ANKRD12: variants seen among roughly 807,000 people sequenced by gnomAD.
The protein encoded by ANKRD12 is ankyrin repeat domain 12.
A neutral mutation model predicts 183.4 loss-of-function variants in ANKRD12; 85 were observed. The observed-to-expected ratio is 0.46, with a 90% confidence interval of 0.39 to 0.56. The LOEUF is 0.56. Among genes scored for constraint, ANKRD12 ranks in the 20% least tolerant of loss-of-function variants. The probability of loss-of-function intolerance (pLI) is 0.00; values close to 1 mark genes in which losing one functional copy is unlikely to be tolerated. For synonymous variants in ANKRD12, 914 were observed against 800.2 expected, an observed-to-expected ratio of 1.14 and a Z score of -2.40; for missense variants, 2,405 against 2,357.1, an observed-to-expected ratio of 1.02 and a Z score of -0.42.
chr18:9,272,072 C>CT (rs549626515), intron 10 of ANKRD12, among the ~76,000 whole-genome samples: 96 of 152,268 alleles, frequency 6.3e-4, no homozygotes, highest in African/African-American at 2.1e-3. Flanking sequence ...ACCCAAGAAA[C>CT]TAAGAGGAAG....
At chr18:9,214,150 T>C (rs11661921) in intron 6 of ANKRD12, among the ~76,000 whole-genome samples, 16,776 of 151,892 alleles carry the variant, frequency 0.11, 1,078 homozygotes, top group African/African-American at 0.16. Context: ...AGCCTAGAAA[T>C]AGTGAAAATA....
At chr18:9,190,224 A>G (rs143507277) in intron 2 of ANKRD12, among the ~76,000 whole-genome samples, 85 of 152,366 alleles carry the variant, frequency 5.6e-4, no homozygotes, top group African/African-American at 1.9e-3. Context: ...ATGAGAATCA[A>G]GTGGAGCCTG....
At chr18:9,137,054 C>G (rs1009757638) in intron 1 of ANKRD12, 89 bp downstream of exon 1, 2 of 152,340 alleles carry the variant, frequency 1.3e-5, no homozygotes, top group Non-Finnish European at 2.9e-5. Context: ...GGAGGAGATC[C>G]CCTCAGTTCT....
intron 8 of ANKRD12, among the ~76,000 whole-genome samples, chr18:9,246,839 A>G (rs1488781116): frequency 2.0e-5 from 3 of 152,150 alleles, no homozygotes; most frequent in Non-Finnish European, 2.9e-5. Flanking sequence ...AATCCTTAAA[A>G]CAGTCCTGTG....
At chr18:9,148,042 T>C (rs1480098198) in intron 1 of ANKRD12, among the ~76,000 whole-genome samples, 1 of 152,210 alleles carries the variant, frequency 6.6e-6, no homozygotes, top group Non-Finnish European at 1.5e-5. Flanking sequence ...ACAGTGGCTA[T>C]TAGATTCTAC....
In ANKRD12 at chr18:9,255,304, G is replaced by T; in HGVS notation, c.2037G>T (p.Lys679Asn). 1 of 1,588,376 alleles carries T rather than the reference G, an allele frequency of 6.3e-7. No homozygotes were observed. The highest frequency in any genetic ancestry group is 1.2e-5 in the South Asian group (1 of 84,858). Residue 679 changes from lysine to asparagine, a missense_variant, in exon 9 of 13, where the codon AAG (lysine) becomes AAT (asparagine). Physicochemically the swap from Lys to Asn is moderately conservative, Grantham distance 94. Around this residue, in one of 7 missense-constraint regions of ANKRD12, gnomAD observed 1,983 missense variants for 1,725.9 expected, o/e 1.15. Coordinates refer to ENST00000262126, the MANE Select transcript of ANKRD12 (RefSeq NM_015208.5). ...IEGEKEKYKT[K>N]DSAKELQRSV... ...GTGAAAAGGAAAAATACAAAACTAA[G>T]GATAGTGCCAAAGAACTGCAGAGGA... is the stretch of plus-strand genomic sequence containing the variant.
At chr18:9,143,221 A>G (rs2143381901) in intron 1 of ANKRD12, among the ~76,000 whole-genome samples, 1 of 152,348 alleles carries the variant, frequency 6.6e-6, no homozygotes, top group South Asian at 2.1e-4. Context: ...ACACTTCAAA[A>G]AGTTGTTGCC....
At chr18:9,139,240 A>G (rs536433138) in intron 1 of ANKRD12, among the ~76,000 whole-genome samples, 21 of 152,290 alleles carry the variant, frequency 1.4e-4, no homozygotes, top group East Asian at 9.6e-4. Flanking sequence ...CCCAAGGGGG[A>G]AAAAAGCCTG....
At chr18:9,190,455 A>G (rs1021176039) in intron 2 of ANKRD12, among the ~76,000 whole-genome samples, 2 of 152,246 alleles carry the variant, frequency 1.3e-5, no homozygotes, top group East Asian at 3.8e-4. Flanking sequence ...ATAATTTAGT[A>G]TATTACATAA....
chr18:9,160,918 T>C (rs1213258372), intron 1 of ANKRD12, among the ~76,000 whole-genome samples: 1 of 152,242 alleles, frequency 6.6e-6, no homozygotes, highest in Non-Finnish European at 1.5e-5. Context: ...CATTTGTGTT[T>C]AGATTTCAGG....
chr18:9,229,459 T>G (rs1353450725), intron 8 of ANKRD12, among the ~76,000 whole-genome samples: 3 of 152,176 alleles, frequency 2.0e-5, no homozygotes, highest in Admixed American at 6.5e-5. Flanking sequence ...TGTGTCTGCT[T>G]CAGTTTCTTC....
chr18:9,247,160 G>A (rs1490015427), intron 8 of ANKRD12, among the ~76,000 whole-genome samples: 1 of 152,078 alleles, frequency 6.6e-6, no homozygotes, highest in Admixed American at 6.6e-5. Context: ...TTGTTTGTTT[G>A]TTTGTTTGTT....
rs540218336 is a variant in ANKRD12 at position 9,235,953 on chromosome 18, T to C, written c.943+13954T>C. On this transcript the variant is annotated intron_variant, in intron 8 of 12. Transcript: ENST00000262126. ...ATAATATCTAGATATTGAGGGACTT[T>C]TTTTTTTTTTTAGTACTAAGAAATT... 1,648 of 198,252 alleles carry C rather than the reference T, an allele frequency of 8.3e-3. 22 individuals carry two copies. The highest frequency in any genetic ancestry group is 0.036 in the African/African-American group (1,572 of 43,232). 12.3% of individuals were successfully genotyped at this position (198,252 alleles called of 1,614,324 possible).
At chr18:9,215,441 A>C (rs2036042668) in intron 6 of ANKRD12, among the ~76,000 whole-genome samples, 2 of 152,124 alleles carry the variant, frequency 1.3e-5, no homozygotes, top group Admixed American at 1.3e-4. Context: ...GTACTTTGCC[A>C]GGAAGGAGGC....
Position 9,282,707 on chromosome 18 carries a change from A to G in ANKRD12, c.*1581A>G, listed in dbSNP as rs1023478692. On this transcript the variant is annotated 3_prime_UTR_variant, in exon 13 of 13. Transcript: ENST00000262126. Reference sequence around the variant, plus strand: ...AAGTGAAGCAAATATGTGAGGAATGAAGTGATCTAGTGCAAGTTGGTAATT... The same window carrying G: ...AAGTGAAGCAAATATGTGAGGAATGGAGTGATCTAGTGCAAGTTGGTAATT... 1.3e-5 allele frequency: 2 copies of G among 152,650 alleles called. No individual in the cohort carries two copies. The highest frequency in any genetic ancestry group is 4.8e-5 in the African/African-American group (2 of 41,458). 9.5% of individuals were successfully genotyped at this position (152,650 alleles called of 1,614,324 possible).
At chr18:9,270,434 TA>T (rs549072647) in intron 10 of ANKRD12, among the ~76,000 whole-genome samples, 4 of 151,930 alleles carry the variant, frequency 2.6e-5, no homozygotes, top group Non-Finnish European at 5.9e-5. Context: ...TATGCAGCCA[TA>T]AAAAAAATGA....
chr18:9,274,887 G>T (rs1185120003), intron 10 of ANKRD12, among the ~76,000 whole-genome samples: 4 of 152,108 alleles, frequency 2.6e-5, no homozygotes, highest in Non-Finnish European at 5.9e-5. Flanking sequence ...AAGATAAAAT[G>T]ACTTAAAATA....
intron 1 of ANKRD12, among the ~76,000 whole-genome samples, chr18:9,150,897 C>T (rs183639924): frequency 6.6e-6 from 1 of 152,192 alleles, no homozygotes; most frequent in African/African-American, 2.4e-5. Flanking sequence ...TCGTGATCCA[C>T]CTGCCTTGGC....
chr18:9,282,855 T>C lies in ANKRD12; in HGVS notation c.*1729T>C, dbSNP rs1415090999. ...TTGGCATGCGCAATAAAGCAGCACATGTAAAAAAAAAATACACAGTGCAAG... is the reference window on the plus strand; with the variant it reads ...TTGGCATGCGCAATAAAGCAGCACACGTAAAAAAAAAATACACAGTGCAAG... On this transcript the variant is annotated 3_prime_UTR_variant, in exon 13 of 13. Coordinates refer to ENST00000262126, the MANE Select transcript of ANKRD12 (RefSeq NM_015208.5). 7.3e-6 allele frequency: 1 copy of C among 136,722 alleles called. No individual in the cohort carries two copies. Among genetic ancestry groups the C allele is most frequent in the African/African-American group, 2.5e-5 (1 of 40,428 alleles). 8.5% of individuals were successfully genotyped at this position (136,722 alleles called of 1,614,324 possible). A position where few individuals can be genotyped will look rare whatever the true frequency, so the allele number is the denominator to read the frequency against.
Sources: gnomAD v4.1 joint callset for allele counts (sites outside exome capture counted in the v4.1 genomes callset) on GRCh38, gnomAD v4.1.1 for gene constraint, gnomAD v4.1.1 regional missense constraint, MANE v1.5 for transcripts, NCBI Gene and HGNC (gene_info 2026-07-23, HGNC 2026-07-21) for gene names.